Variants in KIT observed in about 807,000 individuals in gnomAD.
KIT encodes mast/stem cell growth factor receptor Kit.
KIT carries 16 observed loss-of-function variants against 105.7 expected under a neutral mutation model. That is an observed-to-expected ratio of 0.15 (90% CI 0.10 to 0.23). The LOEUF (loss-of-function observed/expected upper bound fraction) is 0.23. Among genes scored for constraint, KIT ranks in the 10% least tolerant of loss-of-function variants. KIT has a pLI of 1.00. For missense variants in KIT, 858 were observed against 1,213.8 expected (o/e 0.71, Z 4.36); for synonymous variants, 438 against 441.1 (o/e 0.99, Z 0.09).
rs781494024 is a variant in KIT at position 54,737,159 on chromosome 4, G to A, written c.2697-16G>A. Reference sequence around the variant, plus strand: ...AGGGCATTGAGGAGGGATAGTAAATGGCCCTTGTCTTGCAGGTATGACATA... The same window carrying A: ...AGGGCATTGAGGAGGGATAGTAAATAGCCCTTGTCTTGCAGGTATGACATA... On this transcript the variant is annotated splice_polypyrimidine_tract_variant and intron_variant, in intron 19 of 20. Coordinates refer to ENST00000288135, the MANE Select transcript of KIT (RefSeq NM_000222.3). 6.5e-7 allele frequency: 1 copy of A among 1,537,896 alleles called. No homozygotes were observed. The highest frequency in any genetic ancestry group is 1.1e-5 in the South Asian group (1 of 89,616).
Position 54,700,872 on chromosome 4 carries a change from T to C in KIT, c.756+1106T>C, listed in dbSNP as rs1720411854. 2.6e-5 allele frequency among the ~76,000 whole-genome samples: 4 copies of C among 152,234 alleles called. No homozygotes were observed. The South Asian group carries it at 8.3e-4, about 31-fold the overall frequency. ...TAGAATGGATTGTACCATAGACTTA[T>C]TCTTTCAAACCAATGACTCAGAGAA... On this transcript the variant is annotated intron_variant, in intron 4 of 20. Transcript: ENST00000288135.
At chr4:54,688,143 T>TA (rs1719448601) in intron 1 of KIT, among the ~76,000 whole-genome samples, 1 of 152,112 alleles carries the variant, frequency 6.6e-6, no homozygotes, top group Non-Finnish European at 1.5e-5. Context: ...ACTGAGCTCA[T>TA]ACTCCCCCTC....
At chr4:54,676,577 A>C (rs1718488265) in intron 1 of KIT, among the ~76,000 whole-genome samples, 1 of 152,190 alleles carries the variant, frequency 6.6e-6, no homozygotes, top group Non-Finnish European at 1.5e-5. Flanking sequence ...AGAGGCTTCG[A>C]GAAACCTGCA....
chr4:54,675,804 A>C (rs1419548394), intron 1 of KIT, among the ~76,000 whole-genome samples: 1 of 152,060 alleles, frequency 6.6e-6, no homozygotes, highest in Non-Finnish European at 1.5e-5. Flanking sequence ...ATCTCACTGG[A>C]TTAGTATGGG....
chr4:54,664,319 C>T (rs1031801567), intron 1 of KIT, among the ~76,000 whole-genome samples: 4 of 152,040 alleles, frequency 2.6e-5, no homozygotes, highest in African/African-American at 9.7e-5. Flanking sequence ...CCTCAAGGAG[C>T]ATGGAGGGAA....
chr4:54,700,283 G>T (rs1720374017), intron 4 of KIT, among the ~76,000 whole-genome samples: 1 of 152,134 alleles, frequency 6.6e-6, no homozygotes, highest in Admixed American at 6.5e-5. Flanking sequence ...CTTTGAGGCT[G>T]GTTACCTGAG....
intron 1 of KIT, among the ~76,000 whole-genome samples, chr4:54,682,718 C>G (rs1402303430): frequency 6.6e-6 from 1 of 150,920 alleles, no homozygotes; most frequent in African/African-American, 2.4e-5. Context: ...ATGTGAGCCA[C>G]TGCGCCCGGC....
At chr4:54,715,796 C>T (rs1253846258) in intron 7 of KIT, among the ~76,000 whole-genome samples, 1 of 152,152 alleles carries the variant, frequency 6.6e-6, no homozygotes, top group East Asian at 1.9e-4. Context: ...TAGATGGCTT[C>T]ACCTGTTTGC....
At chr4:54,659,737 A>T (rs568878156) in intron 1 of KIT, among the ~76,000 whole-genome samples, 1 of 152,290 alleles carries the variant, frequency 6.6e-6, no homozygotes, top group South Asian at 2.1e-4. Flanking sequence ...GACCTTTTTA[A>T]TATCAGTTAA....
At chr4:54,684,892 C>T (rs1383387181) in intron 1 of KIT, among the ~76,000 whole-genome samples, 1 of 152,184 alleles carries the variant, frequency 6.6e-6, no homozygotes, top group African/African-American at 2.4e-5. Context: ...CTCCTCACTG[C>T]TGTCAGTGGC....
In KIT at chr4:54,728,099, A is replaced by C. The variant is rs1303754581; in HGVS notation, c.1968A>C (p.Leu656=). The part of the protein sequence containing the change: ...YLGNHMNIVN[L]LGACTIGGPT... ...GTAATCACATGAATATTGTGAATCT[A>C]CTTGGAGCCTGCACCATTGGAGGTA... The change falls in exon 13 of 21, where the codon CTA becomes CTC. Residue 656 remains leucine (L), a synonymous_variant. Coordinates refer to ENST00000288135, the MANE Select transcript of KIT (RefSeq NM_000222.3). 6.2e-7 allele frequency: 1 copy of C among 1,613,010 alleles called. No individual in the cohort carries two copies. The highest frequency in any genetic ancestry group is 8.5e-7 in the Non-Finnish European group (1 of 1,179,066).
chr4:54,671,689 A>G (rs778420015), intron 1 of KIT, among the ~76,000 whole-genome samples: 2 of 152,222 alleles, frequency 1.3e-5, no homozygotes, highest in Non-Finnish European at 2.9e-5. Flanking sequence ...TAAGGAGTCT[A>G]TGCCTTCTAG....
intron 7 of KIT, among the ~76,000 whole-genome samples, chr4:54,713,061 AT>A (rs146978855): frequency 7.9e-5 from 12 of 151,516 alleles, no homozygotes; most frequent in East Asian, 3.9e-4. Flanking sequence ...TGATTTGTTG[AT>A]TTTTTTTAAT....
intron 4 of KIT, among the ~76,000 whole-genome samples, chr4:54,700,721 C>T (rs554055474): frequency 6.6e-6 from 1 of 152,158 alleles, no homozygotes; most frequent in Non-Finnish European, 1.5e-5. Context: ...AATTTTATGC[C>T]TGTTTAAAAA....
intron 4 of KIT, among the ~76,000 whole-genome samples, chr4:54,700,693 C>T (rs1720402275): frequency 6.6e-6 from 1 of 152,078 alleles, no homozygotes; most frequent in African/African-American, 2.4e-5. Flanking sequence ...CTCCTCCTGC[C>T]CCATGTTCAA....
intron 1 of KIT, among the ~76,000 whole-genome samples, chr4:54,673,268 A>G (rs2109576538): frequency 1.3e-5 from 2 of 152,278 alleles, no homozygotes; most frequent in Admixed American, 1.3e-4. Flanking sequence ...AGGAACTCCC[A>G]TTATTCATGT....
At chr4:54,701,728 A>G (rs1250578483) in intron 4 of KIT, among the ~76,000 whole-genome samples, 2 of 152,172 alleles carry the variant, frequency 1.3e-5, no homozygotes, top group Non-Finnish European at 2.9e-5. Flanking sequence ...AACTAGAAGG[A>G]AGATACCTTA....
intron 1 of KIT, among the ~76,000 whole-genome samples, chr4:54,665,674 C>T (rs1379556897): frequency 2.0e-5 from 3 of 152,030 alleles, no homozygotes; most frequent in Non-Finnish European, 4.4e-5. Context: ...GAAATAAAGC[C>T]AAGAGGAGGG....
Position 54,737,638 on chromosome 4 carries a change from T to C in KIT, c.2802+358T>C, listed in dbSNP as rs1723002786. Reference sequence around the variant, plus strand: ...TCAGGGCCATGCATCCTTTGGAGGGTTGGGGTGATGTGAACTAGAATAAAA... The same window carrying C: ...TCAGGGCCATGCATCCTTTGGAGGGCTGGGGTGATGTGAACTAGAATAAAA... On this transcript the variant is annotated intron_variant, in intron 20 of 20. Coordinates refer to ENST00000288135, the MANE Select transcript of KIT (RefSeq NM_000222.3). 2.6e-5 allele frequency among the ~76,000 whole-genome samples: 4 copies of C among 152,000 alleles called. No individual in the cohort carries two copies. In the South Asian group the frequency reaches 8.3e-4, roughly 32 times the overall value.
Sources: allele counts gnomAD v4.1 joint callset (sites outside exome capture counted in the v4.1 genomes callset), GRCh38; gene constraint gnomAD v4.1.1; transcripts MANE v1.5; gene names NCBI Gene and HGNC (gene_info 2026-07-23, HGNC 2026-07-21).